TBCCD1: variants seen among roughly 807,000 people sequenced by gnomAD.
The protein encoded by TBCCD1 is TBCC domain containing 1.
A neutral mutation model predicts 53.4 loss-of-function variants in TBCCD1; 26 were observed. The ratio of observed to expected loss-of-function variants is 0.49; its 90% confidence interval spans 0.36 to 0.68. TBCCD1 has a LOEUF of 0.68. Among genes scored for constraint, TBCCD1 ranks in the 30% least tolerant of loss-of-function variants. The pLI, the probability that TBCCD1 is intolerant of heterozygous loss-of-function variation, is 0.00. For synonymous variants in TBCCD1, 245 were observed against 241.7 expected (o/e 1.01, Z -0.13); for missense variants, 558 against 669.5 (o/e 0.83, Z 1.84).
At chr3:186,551,339 C>G (rs1345760525) in intron 6 of TBCCD1, 60 bp from the exon 7 acceptor site, 11 of 1,436,436 alleles carry the variant, frequency 7.7e-6, no homozygotes, top group Non-Finnish European at 9.6e-6. Context: ...AAATTGTACT[C>G]TAAGCAATTA....
rs981231281 is a variant in TBCCD1 at position 186,554,749 on chromosome 3, G to A, written c.1049C>T (p.Ser350Phe). The change falls in exon 6 of 8, where the codon TCT (serine) becomes TTT (phenylalanine). Residue 350 changes from serine to phenylalanine, a missense_variant and splice_region_variant. Ser to Phe is a radical substitution (Grantham distance 155). Coordinates refer to ENST00000338733, the MANE Select transcript of TBCCD1 (RefSeq NM_018138.5). ...SFIYLLSPLR[S>F]VTIEKCRNSI... The stretch of plus-strand genomic sequence containing the variant: ...ATTCCTGCACTTCTCAATTGTCACA[G>A]ATCTGAAAAAAGGAAAAAATGAGGT... 4 of 1,608,038 alleles carry A rather than the reference G, an allele frequency of 2.5e-6. No homozygotes were observed. The highest frequency in any genetic ancestry group is 1.7e-5 in the Admixed American group (1 of 58,106).
intron 2 of TBCCD1, among the ~76,000 whole-genome samples, chr3:186,563,083 C>G (rs929797291): frequency 4.6e-5 from 7 of 152,284 alleles, no homozygotes; most frequent in Non-Finnish European, 7.4e-5. Flanking sequence ...CAGCTTTTAA[C>G]AAAGCTGATT....
In TBCCD1 at chr3:186,564,416, C is replaced by G. The variant is rs1714770579; in HGVS notation, c.-43-44G>C. On this transcript the variant is annotated intron_variant, in intron 1 of 7. Transcript: ENST00000338733. The stretch of plus-strand genomic sequence containing the variant: ...TCATAAACTGATTTGAAACAAGTCT[C>G]ATTTATGCATTTTTTCTTGGAAGGT... 2.3e-6 allele frequency: 3 copies of G among 1,321,348 alleles called. No individual in the cohort carries two copies. In the South Asian group the frequency reaches 4.4e-5, roughly 19 times the overall value. The allele number at this position is 1,321,348 out of a possible 1,614,324, so 81.9% of individuals were successfully genotyped here.
chr3:186,569,120 G>A (rs1714927851), upstream of TBCCD1, among the ~76,000 whole-genome samples: 1 of 151,900 alleles, frequency 6.6e-6, no homozygotes, highest in South Asian at 2.1e-4. Context: ...CCCTCGGCAG[G>A]AATGAGCTCG....
chr3:186,565,949 AAACT>A (rs1366853910), intron 1 of TBCCD1, among the ~76,000 whole-genome samples: 1 of 152,250 alleles, frequency 6.6e-6, no homozygotes, highest in Non-Finnish European at 1.5e-5. Context: ...AAAAATATAA[AAACT>A]AATTTAAAAA....
intron 6 of TBCCD1, among the ~76,000 whole-genome samples, chr3:186,552,489 C>CA (rs1372889350): frequency 6.6e-6 from 1 of 152,086 alleles, no homozygotes; most frequent in Non-Finnish European, 1.5e-5. Flanking sequence ...CACCAACCTC[C>CA]AAAAAAATGT....
intron 1 of TBCCD1, among the ~76,000 whole-genome samples, chr3:186,566,429 T>G (rs1396622784): frequency 6.6e-6 from 1 of 152,206 alleles, no homozygotes; most frequent in African/African-American, 2.4e-5. Context: ...ATCATGCTCA[T>G]GATTTTGCAT....
intron 7 of TBCCD1, among the ~76,000 whole-genome samples, chr3:186,549,958 G>A (rs1342346123): frequency 6.6e-6 from 1 of 151,990 alleles, no homozygotes; most frequent in Non-Finnish European, 1.5e-5. Flanking sequence ...CAGTTCCGGT[G>A]GCTCACGTCT....
Position 186,560,398 on chromosome 3 carries a change from C to G in TBCCD1, c.337-1826G>C, listed in dbSNP as rs534983879. On this transcript the variant is annotated intron_variant, in intron 2 of 7. Coordinates refer to ENST00000338733, the MANE Select transcript of TBCCD1 (RefSeq NM_018138.5). ...TAGATATGACCCTATAAGGCAGAGACTGCTAGATGCTTACTACTTTTTTTC... is the reference window on the plus strand; with the variant it reads ...TAGATATGACCCTATAAGGCAGAGAGTGCTAGATGCTTACTACTTTTTTTC... 4.6e-5 allele frequency among the ~76,000 whole-genome samples: 7 copies of G among 152,332 alleles called. No individual in the cohort carries two copies. The South Asian group carries it at 1.4e-3, about 32-fold the overall frequency.
Position 186,564,387 on chromosome 3 carries a change from T to C in TBCCD1, c.-43-15A>G. On this transcript the variant is annotated splice_polypyrimidine_tract_variant and intron_variant, in intron 1 of 7. Transcript: ENST00000338733. ...TCTTTGCATACCTAGGAAACAAAGTTTCTTCATAAACTGATTTGAAACAAG... is the reference window on the plus strand; with the variant it reads ...TCTTTGCATACCTAGGAAACAAAGTCTCTTCATAAACTGATTTGAAACAAG... The C allele has an allele frequency of 6.7e-7, 1 of 1,490,846 alleles. No homozygotes were observed. The highest frequency in any genetic ancestry group is 9.0e-7 in the Non-Finnish European group (1 of 1,109,596). 92.4% of individuals were successfully genotyped at this position (1,490,846 alleles called of 1,614,324 possible).
At position 186,564,253 on chromosome 3, in the gene TBCCD1, G is replaced by A. The variant is rs759456969; in HGVS notation, c.77C>T (p.Ser26Phe). 5.3e-5 allele frequency: 85 copies of A among 1,614,080 alleles called. No homozygotes were observed. The South Asian group carries it at 8.3e-4, about 16-fold the overall frequency. ...IVGALQVPPP[S>F]KFSLHYLRKI... ...CCTGAGATAGTGAAGACTAAACTTG[G>A]ATGGAGGGGGGACCTGCAAGGCACC... is the stretch of plus-strand genomic sequence containing the variant. The change falls in exon 2 of 8, where the codon TCC becomes TTC. Residue 26 changes from serine (S) to phenylalanine (F), a missense_variant. Transcript: ENST00000338733.
chr3:186,551,551 A>G lies in TBCCD1; in HGVS notation c.1545-272T>C, dbSNP rs1438169051. Among the ~76,000 whole-genome samples the G allele has an allele frequency of 5.3e-5, 8 of 152,234 alleles. No homozygotes were observed. The South Asian group carries it at 1.7e-3, about 32-fold the overall frequency. On this transcript the variant is annotated intron_variant, in intron 6 of 7. Coordinates refer to ENST00000338733, the MANE Select transcript of TBCCD1 (RefSeq NM_018138.5). ...TGTTCTGACTGATGGGGATAAATGT[A>G]TAGAGAAGAGACAAGGCCCCTGTTG...
chr3:186,562,091 CA>C (rs771249371), intron 2 of TBCCD1, among the ~76,000 whole-genome samples: 3 of 152,098 alleles, frequency 2.0e-5, no homozygotes, highest in Non-Finnish European at 2.9e-5. Context: ...CCTGTAATCC[CA>C]ACACTTTGGG....
chr3:186,557,538 C>T (rs1200660675), intron 3 of TBCCD1, among the ~76,000 whole-genome samples: 1 of 152,106 alleles, frequency 6.6e-6, no homozygotes, highest in African/African-American at 2.4e-5. Context: ...AAAGCAAGAG[C>T]TCTGGGAAGG....
intron 4 of TBCCD1, among the ~76,000 whole-genome samples, chr3:186,555,461 C>G (rs1314181131): frequency 6.6e-6 from 1 of 152,180 alleles, no homozygotes; most frequent in Admixed American, 6.5e-5. Context: ...ACTTTATCAT[C>G]CCAAACGTAA....
At chr3:186,552,308 A>G (rs1416788868) in intron 6 of TBCCD1, among the ~76,000 whole-genome samples, 1 of 152,222 alleles carries the variant, frequency 6.6e-6, no homozygotes, top group African/African-American at 2.4e-5. Context: ...GAGCTAGCCT[A>G]GCACTGTCAG....
chr3:186,551,380 A>G, intron 6 of TBCCD1, 101 bp from the exon 7 acceptor site: 1 of 1,169,624 alleles, frequency 8.5e-7, no homozygotes, highest in Non-Finnish European at 1.2e-6. Context: ...ATGTTAAATG[A>G]TTAATTATTT....
chr3:186,553,039 T>C (rs145189037), intron 6 of TBCCD1, among the ~76,000 whole-genome samples: 58 of 152,342 alleles, frequency 3.8e-4, no homozygotes, highest in African/African-American at 1.1e-3. Context: ...TGACATGATG[T>C]AATCACTGTT....
Position 186,558,779 on chromosome 3 carries a change from C to T in TBCCD1, c.337-207G>A, listed in dbSNP as rs1211684057. Reference sequence around the variant, plus strand: ...TTTTGAGACAGAGTTTCACTCTTGTCGCCCAGGCTGGAGTGCAATGATGCG... The same window carrying T: ...TTTTGAGACAGAGTTTCACTCTTGTTGCCCAGGCTGGAGTGCAATGATGCG... On this transcript the variant is annotated intron_variant, in intron 2 of 7. Transcript: ENST00000338733. 5.9e-5 allele frequency among the ~76,000 whole-genome samples: 9 copies of T among 152,050 alleles called. No individual in the cohort carries two copies. In the East Asian group the frequency reaches 1.4e-3, roughly 23 times the overall value.
Sources: allele counts gnomAD v4.1 joint callset (sites outside exome capture counted in the v4.1 genomes callset), GRCh38; gene constraint gnomAD v4.1.1; transcripts MANE v1.5; gene names NCBI Gene and HGNC (gene_info 2026-07-23, HGNC 2026-07-21).